The following ROBO1 variants were observed in gnomAD, a reference collection of about 807,000 sequenced individuals.
ROBO1 encodes the protein roundabout guidance receptor 1.
A neutral mutation model predicts 195.9 loss-of-function variants in ROBO1; 149 were observed. The observed-to-expected ratio is 0.76, with a 90% CI of 0.67 to 0.87. ROBO1 has a LOEUF of 0.87. ROBO1 is among the 40% of genes least tolerant of loss of function. The probability of loss-of-function intolerance (pLI) is 0.00; values close to 1 mark genes in which losing one functional copy is unlikely to be tolerated. For synonymous variants in ROBO1, 816 were observed against 733.2 expected, an observed-to-expected ratio of 1.11 and a Z score of -1.82; for missense variants, 1,933 against 2,068.3, an observed-to-expected ratio of 0.93 and a Z score of 1.27.
chr3:78,865,448 A>G (rs1322866234), intron 4 of ROBO1, among the ~76,000 whole-genome samples: 1 of 151,548 alleles, frequency 6.6e-6, no homozygotes, highest in African/African-American at 2.4e-5. Flanking sequence ...AATGTCTCAC[A>G]AAAACTTCAT....
intron 2 of ROBO1, among the ~76,000 whole-genome samples, chr3:79,447,886 C>G (rs539086139): frequency 1.3e-5 from 2 of 152,274 alleles, no homozygotes; most frequent in African/African-American, 4.8e-5. Context: ...ACCTACCCAT[C>G]TATTACTGAT....
intron 4 of ROBO1, among the ~76,000 whole-genome samples, chr3:78,772,757 G>A (rs140774863): frequency 3.3e-5 from 5 of 152,006 alleles, no homozygotes; most frequent in African/African-American, 1.2e-4. Context: ...ATTTAGTATG[G>A]AGAAGGTTTG....
chr3:79,517,456 A>C (rs531530032), intron 2 of ROBO1, among the ~76,000 whole-genome samples: 1 of 152,262 alleles, frequency 6.6e-6, no homozygotes, highest in South Asian at 2.1e-4. Context: ...TCTCTCTGCT[A>C]GGCTCCTTTC....
intron 3 of ROBO1, among the ~76,000 whole-genome samples, chr3:79,078,386 A>T (rs1331755324): frequency 1.3e-5 from 2 of 151,834 alleles, no homozygotes; most frequent in African/African-American, 4.8e-5. Flanking sequence ...TACTTTAAGT[A>T]GAGTTGAAAT....
intron 3 of ROBO1, among the ~76,000 whole-genome samples, chr3:78,953,350 T>C (rs2040884868): frequency 6.7e-6 from 1 of 148,400 alleles, no homozygotes; most frequent in Non-Finnish European, 1.5e-5. Flanking sequence ...GAATTTTACT[T>C]TCTGTAAAAT....
intron 2 of ROBO1, among the ~76,000 whole-genome samples, chr3:79,416,090 A>T (rs1178649712): frequency 6.6e-6 from 1 of 150,830 alleles, no homozygotes; most frequent in Admixed American, 6.7e-5. Flanking sequence ...CATAAAAAAA[A>T]TAACACTTCA....
chr3:79,061,557 A>C (rs1006193114), intron 3 of ROBO1, among the ~76,000 whole-genome samples: 8 of 152,148 alleles, frequency 5.3e-5, no homozygotes, highest in African/African-American at 1.7e-4. Flanking sequence ...AATCCTAAGC[A>C]AAAAGAACAA....
rs551834183 is a variant in ROBO1 at position 79,353,284 on chromosome 3, C to T, written c.89-227745G>A. On this transcript the variant is annotated intron_variant, in intron 2 of 30. Transcript: ENST00000464233. ...AATTGGAGAGAGCAAATTGCTCTTA[C>T]ATGGGAAATGCTATAATAGATATAT... Among the ~76,000 whole-genome samples the T allele has an allele frequency of 1.0e-3, 155 of 151,984 alleles. 1 individual carries two copies. The highest frequency in any genetic ancestry group is 6.8e-3 in the Middle Eastern group (2 of 294).
chr3:79,672,083 C>T (rs1009672432), intron 1 of ROBO1, among the ~76,000 whole-genome samples: 2 of 151,924 alleles, frequency 1.3e-5, no homozygotes, highest in African/African-American at 4.8e-5. Context: ...TAGACATTTG[C>T]ATGAAAGTCA....
At chr3:78,627,007 C>T (rs968834213) in intron 26 of ROBO1, among the ~76,000 whole-genome samples, 3 of 152,030 alleles carry the variant, frequency 2.0e-5, no homozygotes, top group Non-Finnish European at 4.4e-5. Context: ...ACAAAAATAC[C>T]CACTGTCAAT....
At chr3:78,706,838 T>C (rs2081563718) in intron 8 of ROBO1, among the ~76,000 whole-genome samples, 1 of 152,092 alleles carries the variant, frequency 6.6e-6, no homozygotes, top group South Asian at 2.1e-4. Context: ...TTGTGATGAC[T>C]GATTAAGAGT....
At chr3:78,858,719 C>A (rs1234080985) in intron 4 of ROBO1, among the ~76,000 whole-genome samples, 1 of 151,892 alleles carries the variant, frequency 6.6e-6, no homozygotes, top group Non-Finnish European at 1.5e-5. Context: ...TCATCCTGGG[C>A]AACAGAGTGA....
chr3:78,778,585 G>C (rs989372840), intron 4 of ROBO1, among the ~76,000 whole-genome samples: 1 of 152,076 alleles, frequency 6.6e-6, no homozygotes, highest in Non-Finnish European at 1.5e-5. Context: ...ACCTCTTCAA[G>C]GAGAACTACA....
intron 1 of ROBO1, among the ~76,000 whole-genome samples, chr3:79,648,885 T>A (rs887908843): frequency 6.6e-5 from 10 of 152,042 alleles, no homozygotes; most frequent in Non-Finnish European, 1.0e-4. Flanking sequence ...GGTTTCTCAA[T>A]GGCCATATTA....
intron 4 of ROBO1, among the ~76,000 whole-genome samples, chr3:78,893,331 T>C (rs1427099974): frequency 6.6e-6 from 1 of 152,184 alleles, no homozygotes; most frequent in Non-Finnish European, 1.5e-5. Flanking sequence ...CTCGCCCTTC[T>C]GCCTTCTGCT....
intron 1 of ROBO1, among the ~76,000 whole-genome samples, chr3:79,736,078 C>G (rs1410495286): frequency 3.3e-5 from 5 of 152,118 alleles, no homozygotes; most frequent in African/African-American, 1.2e-4. Context: ...GCAGAGAAGG[C>G]TTAGAAGAGT....
intron 2 of ROBO1, among the ~76,000 whole-genome samples, chr3:79,407,850 C>T (rs911165608): frequency 2.0e-5 from 3 of 151,938 alleles, no homozygotes; most frequent in Non-Finnish European, 2.9e-5. Context: ...TAACATAATT[C>T]GATGTATAGT....
At chr3:78,934,884 C>T (rs989003524) in intron 4 of ROBO1, among the ~76,000 whole-genome samples, 5 of 152,114 alleles carry the variant, frequency 3.3e-5, no homozygotes, top group South Asian at 2.1e-4. Context: ...CATTTTACCC[C>T]TAGGAGTAAT....
chr3:79,079,078 G>A (rs901463968), intron 3 of ROBO1, among the ~76,000 whole-genome samples: 4 of 151,680 alleles, frequency 2.6e-5, no homozygotes, highest in African/African-American at 4.8e-5. Context: ...ATGTACACAC[G>A]AAACTAATAT....
Sources: allele counts gnomAD v4.1 joint callset (sites outside exome capture counted in the v4.1 genomes callset), GRCh38; gene constraint gnomAD v4.1.1; transcripts MANE v1.5; gene names NCBI Gene and HGNC (gene_info 2026-07-23, HGNC 2026-07-21).